Variants in RGS7 observed in about 807,000 individuals in gnomAD.
RGS7 encodes regulator of G-protein signaling 7.
In RGS7, 27 loss-of-function variants were observed where a neutral mutation model predicts 81.1. The observed-to-expected ratio is 0.33, with a 90% CI of 0.25 to 0.46. RGS7 has a LOEUF of 0.46. Among genes scored for constraint, RGS7 ranks in the 20% least tolerant of loss-of-function variants. The pLI, the probability that RGS7 is intolerant of heterozygous loss-of-function variation, is 1.00. For synonymous variants in RGS7, 208 were observed against 207.7 expected (o/e 1.00, Z -0.01); for missense variants, 396 against 607.4 (o/e 0.65, Z 3.66).
chr1:240,899,431 C>A (rs1046537043), intron 6 of RGS7, among the ~76,000 whole-genome samples: 2 of 152,164 alleles, frequency 1.3e-5, no homozygotes, highest in African/African-American at 4.8e-5. Context: ...ACCAGTTGTT[C>A]CTTTCCATGT....
intron 6 of RGS7, among the ~76,000 whole-genome samples, chr1:240,928,885 A>T (rs953856827): frequency 6.6e-6 from 1 of 152,196 alleles, no homozygotes; most frequent in Non-Finnish European, 1.5e-5. Flanking sequence ...TGCTGGGATT[A>T]TAGGCGTGAA....
In RGS7 at chr1:240,813,727, G is replaced by T; in HGVS notation, c.847C>A (p.Leu283Ile). ...RLKMSKVADS[L>I]LSYTEQYLEY... ...AAATACTGTTCCGTGTAACTTAGTA[G>T]ACTAAGGAGAAAAAACATTTCCAGT... The change falls in exon 13 of 19, where the codon CTA becomes ATA. Residue 283 changes from leucine (L) to isoleucine (I), a missense_variant and splice_region_variant. Transcript: ENST00000440928. 1 of 1,592,514 alleles carries T rather than the reference G, an allele frequency of 6.3e-7. No individual in the cohort carries two copies. Among genetic ancestry groups the T allele is most frequent in the East Asian group, 2.2e-5 (1 of 44,792 alleles).
At chr1:241,122,330 C>T (rs2066338705) in intron 2 of RGS7, among the ~76,000 whole-genome samples, 2 of 152,132 alleles carry the variant, frequency 1.3e-5, no homozygotes, top group Admixed American at 1.3e-4. Flanking sequence ...CTGATAAACT[C>T]ATCATAAGTT....
intron 14 of RGS7, 91 bp from the exon 15 acceptor site, chr1:240,806,417 G>A (rs773088878): frequency 4.0e-6 from 5 of 1,238,170 alleles, no homozygotes; most frequent in African/African-American, 1.5e-5. Context: ...TCATCATGAC[G>A]ACTCACAGCC....
chr1:241,004,674 A>G (rs1331745637), intron 3 of RGS7, among the ~76,000 whole-genome samples: 4 of 151,770 alleles, frequency 2.6e-5, no homozygotes, highest in Non-Finnish European at 4.4e-5. Flanking sequence ...TAATGCTACT[A>G]GACTGAGTGG....
chr1:241,069,871 G>T (rs866294102), intron 3 of RGS7, among the ~76,000 whole-genome samples: 1 of 152,158 alleles, frequency 6.6e-6, no homozygotes. Flanking sequence ...TATATGTCAT[G>T]AATTCCTTCT....
Position 241,164,430 on chromosome 1 carries a change from C to T in RGS7, c.79-65668G>A, listed in dbSNP as rs368137728. Among the ~76,000 whole-genome samples the T allele has an allele frequency of 3.3e-5, 5 of 152,026 alleles. 1 individual carries two copies. The highest frequency in any genetic ancestry group is 9.7e-5 in the African/African-American group (4 of 41,378). On this transcript the variant is annotated intron_variant, in intron 2 of 18. Coordinates refer to ENST00000440928, the MANE Select transcript of RGS7 (RefSeq NM_001364886.1). The surrounding 1 kb of genome is among the most constrained non-coding windows in gnomAD (Gnocchi z 4.1). Reference sequence around the variant, plus strand: ...ATCATGCATTGGTCTTTTCAGCGTCCGGTCCCCATCCTGAAGCCACCTAGG... The same window carrying T: ...ATCATGCATTGGTCTTTTCAGCGTCTGGTCCCCATCCTGAAGCCACCTAGG...
At chr1:241,190,033 G>A (rs989201915) in intron 2 of RGS7, among the ~76,000 whole-genome samples, 2 of 152,056 alleles carry the variant, frequency 1.3e-5, no homozygotes, top group African/African-American at 2.4e-5. Flanking sequence ...AACCTGGGAG[G>A]CGGAGCTTGC....
At chr1:240,904,126 G>C (rs1033328029) in intron 6 of RGS7, among the ~76,000 whole-genome samples, 6 of 152,074 alleles carry the variant, frequency 3.9e-5, no homozygotes, top group Admixed American at 3.3e-4. Context: ...TTTAAGTTTT[G>C]GCTTCTCTTA....
At chr1:241,098,368 C>T (rs1475545377) in intron 3 of RGS7, among the ~76,000 whole-genome samples, 1 of 152,166 alleles carries the variant, frequency 6.6e-6, no homozygotes, top group Non-Finnish European at 1.5e-5. Flanking sequence ...TCCTAATTTC[C>T]ATATACAACC....
At chr1:241,267,057 C>T (rs1047373576) in intron 2 of RGS7, among the ~76,000 whole-genome samples, 1 of 152,152 alleles carries the variant, frequency 6.6e-6, no homozygotes, top group Admixed American at 6.5e-5. Flanking sequence ...TTTTTCTTTC[C>T]TGGAGACCTC....
At chr1:241,013,054 T>TA (rs2059042844) in intron 3 of RGS7, among the ~76,000 whole-genome samples, 1 of 9,710 alleles carries the variant, frequency 1.0e-4, no homozygotes, top group African/African-American at 1.4e-4. Context: ...TGACCCCTCC[T>TA]TTTTTTTTTT....
At chr1:241,097,852 TCA>T (rs1021198760) in intron 3 of RGS7, among the ~76,000 whole-genome samples, 9 of 152,270 alleles carry the variant, frequency 5.9e-5, no homozygotes, top group African/African-American at 2.2e-4. Flanking sequence ...CTTTCCTCTC[TCA>T]GTCTCCTCAT....
At chr1:240,807,916 TC>T (rs1002284284) in intron 14 of RGS7, among the ~76,000 whole-genome samples, 5 of 150,724 alleles carry the variant, frequency 3.3e-5, no homozygotes, top group Admixed American at 2.7e-4. Context: ...ATGCCCATAA[TC>T]CCAGCTACTC....
chr1:241,174,003 A>G (rs1043708475), intron 2 of RGS7, among the ~76,000 whole-genome samples: 1 of 152,162 alleles, frequency 6.6e-6, no homozygotes, highest in Non-Finnish European at 1.5e-5. Context: ...ATTTTAACCT[A>G]ACACTCATGA....
At chr1:241,221,141 A>T (rs1190435796) in intron 2 of RGS7, among the ~76,000 whole-genome samples, 1 of 151,564 alleles carries the variant, frequency 6.6e-6, no homozygotes, top group African/African-American at 2.4e-5. Flanking sequence ...AAGAAAGAAA[A>T]GAAAAAAGAA....
chr1:241,142,619 A>G (rs2068014620), intron 2 of RGS7, among the ~76,000 whole-genome samples: 1 of 152,184 alleles, frequency 6.6e-6, no homozygotes. Context: ...TAGGCTGCAG[A>G]CAGCATGGGA....
intron 2 of RGS7, among the ~76,000 whole-genome samples, chr1:241,218,280 G>C (rs891467835): frequency 1.3e-5 from 2 of 152,122 alleles, no homozygotes; most frequent in African/African-American, 4.8e-5. Context: ...ACCAAAATAG[G>C]AACCATATCT....
At position 240,812,027 on chromosome 1, in the gene RGS7, G is replaced by A; in HGVS notation, c.973C>T (p.Gln325Ter). The A allele has an allele frequency of 6.2e-7, 1 of 1,614,092 alleles. No individual in the cohort carries two copies. The highest frequency in any genetic ancestry group is 8.5e-7 in the Non-Finnish European group (1 of 1,180,012). ...CCAAAACCCCATCGTTTTACCCTCT[G>A]CTGGCTCGGTTCTTTGCTATAGAAG... The part of the protein sequence containing the change: ...ELEASKEPSQ[Q>*]RVKRWGFGMD... Residue 325 changes from glutamine (Q) to a stop codon, truncating the protein, a stop_gained, in exon 14 of 19, where the codon CAG (glutamine) becomes TAG (stop). Coordinates refer to ENST00000440928, the MANE Select transcript of RGS7 (RefSeq NM_001364886.1). LOFTEE classifies it high-confidence loss of function.
Sources: gnomAD v4.1 joint callset for allele counts (sites outside exome capture counted in the v4.1 genomes callset) on GRCh38, gnomAD v4.1.1 for gene constraint, Gnocchi (gnomAD v3.1) non-coding constraint, MANE v1.5 for transcripts, NCBI Gene and HGNC (gene_info 2026-07-23, HGNC 2026-07-21) for gene names.